SDC1: variants seen among roughly 807,000 people sequenced by gnomAD.
SDC1 encodes the protein syndecan-1.
SDC1 carries 14 observed loss-of-function variants against 29.7 expected under a neutral mutation model. That is an observed-to-expected ratio of 0.47 (90% CI 0.31 to 0.74). The LOEUF is 0.74. Among genes scored for constraint, SDC1 ranks in the 30% least tolerant of loss-of-function variants. The pLI is 0.05. For synonymous variants in SDC1, 204 were observed against 175.5 expected, an observed-to-expected ratio of 1.16 and a Z score of -1.29; for missense variants, 406 against 400.3, an observed-to-expected ratio of 1.01 and a Z score of -0.12.
Position 20,202,944 on chromosome 2 carries a change from G to A in SDC1, c.764-9C>T. The A allele has an allele frequency of 6.2e-7, 1 of 1,601,620 alleles. No homozygotes were observed. Among genetic ancestry groups the A allele is most frequent in the Non-Finnish European group, 8.5e-7 (1 of 1,172,226 alleles). On this transcript the variant is annotated splice_polypyrimidine_tract_variant and intron_variant, in intron 4 of 4. Coordinates refer to ENST00000254351, the MANE Select transcript of SDC1 (RefSeq NM_002997.5). ...GCCTCCGGCAATGACCCCTAGGGCA[G>A]GTAGACGGGGCCAGCTCAGCTCAGC...
At chr2:20,212,783 G>T (rs144557580) in intron 1 of SDC1, among the ~76,000 whole-genome samples, 3 of 152,038 alleles carry the variant, frequency 2.0e-5, no homozygotes, top group Non-Finnish European at 4.4e-5. Context: ...TCTGAGAGGA[G>T]GAGCACCTTT....
Position 20,205,381 on chromosome 2 carries a change from G to A in SDC1, c.110C>T (p.Ser37Phe). Residue 37 changes from serine (S) to phenylalanine (F), a missense_variant, in exon 2 of 5, where the codon TCT becomes TTT. Transcript: ENST00000254351. The part of the protein sequence containing the change: ...TNLPPEDQDG[S>F]GDDSDNFSGS... ...GGAGAAGTTGTCAGAGTCATCCCCA[G>A]AGCCATCTTGATCTTCAGGGGGCAA... 6.2e-7 allele frequency: 1 copy of A among 1,614,132 alleles called. No homozygotes were observed. The highest frequency in any genetic ancestry group is 1.1e-5 in the South Asian group (1 of 91,080).
At chr2:20,217,142 C>A (rs1677651517) in intron 1 of SDC1, among the ~76,000 whole-genome samples, 2 of 152,206 alleles carry the variant, frequency 1.3e-5, no homozygotes, top group African/African-American at 2.4e-5. Context: ...AGCCCAGGCT[C>A]CTAGTTCGAT....
rs566295481 is a variant in SDC1, at chr2:20,204,479, C to G, written c.149-188G>C. 3.3e-5 allele frequency among the ~76,000 whole-genome samples: 5 copies of G among 152,194 alleles called. No homozygotes were observed. The South Asian group carries it at 1.0e-3, about 32-fold the overall frequency. ...TTGGAAAATGGACAAGGAGAGCTGT[C>G]CCTTCCCATTGTGTGTGTCCAGGTG... On this transcript the variant is annotated intron_variant, in intron 2 of 4. Coordinates refer to ENST00000254351, the MANE Select transcript of SDC1 (RefSeq NM_002997.5).
At chr2:20,209,138 G>A (rs942216579) in intron 1 of SDC1, among the ~76,000 whole-genome samples, 1 of 152,292 alleles carries the variant, frequency 6.6e-6, no homozygotes, top group African/African-American at 2.4e-5. Flanking sequence ...AGAGAATCCT[G>A]GGGTCAGGGC....
rs893775649 is a variant in SDC1, at chr2:20,201,445, C to T, written c.*1321G>A. The T allele has an allele frequency of 2.0e-5, 3 of 152,614 alleles. No individual in the cohort carries two copies. The highest frequency in any genetic ancestry group is 4.1e-4 in the South Asian group (2 of 4,832). 9.5% of individuals were successfully genotyped at this position (152,614 alleles called of 1,614,324 possible). ...TGGTGTTTGCAGAAAAGTCCGGTCA[C>T]GTCACACACAGCACAGAGGCAAGAA... On this transcript the variant is annotated 3_prime_UTR_variant, in exon 5 of 5. Coordinates refer to ENST00000254351, the MANE Select transcript of SDC1 (RefSeq NM_002997.5).
At position 20,202,570 on chromosome 2, in the gene SDC1, T is replaced by C; in HGVS notation, c.*196A>G. On this transcript the variant is annotated 3_prime_UTR_variant, in exon 5 of 5. Coordinates refer to ENST00000254351, the MANE Select transcript of SDC1 (RefSeq NM_002997.5). ...TGCGAGAAACCCCTGGTGCCCTAAGTCTCCAGGCAGAAGTCAGAGAAGCAG... is the reference window on the plus strand; with the variant it reads ...TGCGAGAAACCCCTGGTGCCCTAAGCCTCCAGGCAGAAGTCAGAGAAGCAG... The C allele has an allele frequency of 1.6e-6, 1 of 628,826 alleles. No individual in the cohort carries two copies. The highest frequency in any genetic ancestry group is 2.8e-5 in the Admixed American group (1 of 35,746). 39.0% of individuals were successfully genotyped at this position (628,826 alleles called of 1,614,324 possible). A position where few individuals can be genotyped will look rare whatever the true frequency, so the allele number is the denominator to read the frequency against.
chr2:20,202,483 G>A lies in SDC1; in HGVS notation c.*283C>T. 1.7e-6 allele frequency: 1 copy of A among 592,882 alleles called. No individual in the cohort carries two copies. The highest frequency in any genetic ancestry group is 3.0e-6 in the Non-Finnish European group (1 of 333,588). 36.7% of individuals were successfully genotyped at this position (592,882 alleles called of 1,614,324 possible). The stretch of plus-strand genomic sequence containing the variant: ...CTGGACCTGGGGAGAGGCTGCTTCA[G>A]TTTGGAGAAACCGAGTCAGAATGGT... On this transcript the variant is annotated 3_prime_UTR_variant, in exon 5 of 5. Coordinates refer to ENST00000254351, the MANE Select transcript of SDC1 (RefSeq NM_002997.5).
At position 20,203,125 on chromosome 2, in the gene SDC1, G is replaced by A. The variant is rs748078759; in HGVS notation, c.725C>T (p.Ala242Val). ...QSPVDQGATG[A>V]SQGLLDRKEV... ...TTTCCTGTCCAGGAGGCCCTGTGAG[G>A]CCCCCGTGGCCCCCTGATCCACTGG... Residue 242 changes from alanine (A) to valine (V), a missense_variant, in exon 4 of 5, where the codon GCC becomes GTC. By Grantham distance (64) the Ala-to-Val change is moderately conservative. Transcript: ENST00000254351. The A allele has an allele frequency of 6.2e-7, 1 of 1,611,772 alleles. No homozygotes were observed. The highest frequency in any genetic ancestry group is 2.2e-5 in the East Asian group (1 of 44,804).
At chr2:20,215,853 G>A (rs549731040) in intron 1 of SDC1, among the ~76,000 whole-genome samples, 11 of 151,872 alleles carry the variant, frequency 7.2e-5, no homozygotes, top group Non-Finnish European at 1.6e-4. Flanking sequence ...ACTCCAGCCC[G>A]AGCCGGGACT....
At chr2:20,209,809 C>T (rs765390924) in intron 1 of SDC1, among the ~76,000 whole-genome samples, 10 of 152,264 alleles carry the variant, frequency 6.6e-5, no homozygotes, top group Non-Finnish European at 1.2e-4. Context: ...AGCTCCTCTG[C>T]AAGACAGCTC....
At chr2:20,202,984 T>TA in intron 4 of SDC1, 49 bp from the exon 5 acceptor site, 1 of 1,576,578 alleles carries the variant, frequency 6.3e-7, no homozygotes. Flanking sequence ...CCTTGGGCTC[T>TA]GCTGCAGACC....
intron 1 of SDC1, among the ~76,000 whole-genome samples, chr2:20,218,732 C>T (rs1467657219): frequency 2.6e-5 from 4 of 151,450 alleles, no homozygotes; most frequent in South Asian, 2.1e-4. Flanking sequence ...GACACACACA[C>T]GTACATGGAC....
chr2:20,204,029 G>A lies in SDC1; in HGVS notation c.411C>T (p.Ala137=), dbSNP rs1558430781. The stretch of plus-strand genomic sequence containing the variant: ...GGGCCGTGGTGGCTGTGGTCGTTGA[G>A]GCCAGATGAGTGGTCGGGAGCTGTG... ...ETTQLPTTHL[A]STTTATTAQE... The change falls in exon 3 of 5, where the codon GCC becomes GCT. Residue 137 remains alanine, a synonymous_variant. Transcript: ENST00000254351. The A allele has an allele frequency of 1.9e-6, 3 of 1,613,126 alleles. No homozygotes were observed. Among genetic ancestry groups the A allele is most frequent in the African/African-American group, 1.3e-5 (1 of 74,988 alleles).
At position 20,218,834 on chromosome 2, in the gene SDC1, GACAC is replaced by G. The variant is rs544604505; in HGVS notation, c.66+5964_66+5967del. 5.3e-5 allele frequency among the ~76,000 whole-genome samples: 8 copies of G among 150,078 alleles called. No homozygotes were observed. In the South Asian group the frequency reaches 1.7e-3, roughly 32 times the overall value. On this transcript the variant is annotated intron_variant, in intron 1 of 4. Transcript: ENST00000254351. ...ACACACGCAGACACACACACACACA[GACAC>G]ACACACACACAGCATCTCATGGTGC... is the stretch of plus-strand genomic sequence containing the variant.
intron 1 of SDC1, chr2:20,223,367 G>C (rs1444297001): frequency 5.3e-6 from 6 of 1,121,830 alleles, no homozygotes; most frequent in Non-Finnish European, 7.2e-6. Context: ...GCTGAGACTT[G>C]TCCAGATGCC....
intron 1 of SDC1, chr2:20,223,376 C>T: frequency 1.9e-6 from 2 of 1,063,004 alleles, no homozygotes; most frequent in Non-Finnish European, 2.5e-6. Flanking sequence ...TGTCCAGATG[C>T]CACATTAGCA....
At chr2:20,218,815 GCAGACACACACACACA>G (rs1159237328) in intron 1 of SDC1, among the ~76,000 whole-genome samples, 11 of 142,092 alleles carry the variant, frequency 7.7e-5, no homozygotes, top group African/African-American at 1.3e-4. Flanking sequence ...ACATACACAC[GCAGACACACACACACA>G]CAGACACACA....
In SDC1 at chr2:20,219,914, G is replaced by A. The variant is rs565444979; in HGVS notation, c.66+4888C>T. On this transcript the variant is annotated intron_variant, in intron 1 of 4. Transcript: ENST00000254351. ...GAGTCCTGGGTTCTGGCCACCACCC[G>A]CGCCATGCTGCCCGCCTCCCAGGCT... Among the ~76,000 whole-genome samples, 6 of 152,310 alleles carry A rather than the reference G, an allele frequency of 3.9e-5. No homozygotes were observed. In the East Asian group the frequency reaches 7.7e-4, roughly 20 times the overall value.
Sources: gnomAD v4.1 joint callset for allele counts (sites outside exome capture counted in the v4.1 genomes callset) on GRCh38, gnomAD v4.1.1 for gene constraint, MANE v1.5 for transcripts, NCBI Gene and HGNC (gene_info 2026-07-23, HGNC 2026-07-21) for gene names.